The following KIAA1958 variants were observed in gnomAD, a reference collection of about 807,000 sequenced individuals.
The protein encoded by KIAA1958 is uncharacterized protein KIAA1958.
KIAA1958 carries 14 observed loss-of-function variants against 47.2 expected under a neutral mutation model. The ratio of observed to expected loss-of-function variants is 0.30; its 90% CI spans 0.20 to 0.46. The LOEUF (loss-of-function observed/expected upper bound fraction) is 0.46, where lower values mean the gene tolerates loss of function less well. Among genes scored for constraint, KIAA1958 ranks in the 20% least tolerant of loss-of-function variants. The pLI is 1.00. For synonymous variants in KIAA1958, 354 were observed against 353.3 expected, an observed-to-expected ratio of 1.00 and a Z score of -0.02; for missense variants, 803 against 909.2, an observed-to-expected ratio of 0.88 and a Z score of 1.50.
intron 2 of KIAA1958, among the ~76,000 whole-genome samples, chr9:112,640,857 A>G (rs572958578): frequency 6.6e-6 from 1 of 152,268 alleles, no homozygotes; most frequent in East Asian, 1.9e-4. Context: ...TAAGTTTTCT[A>G]TACATCATGG....
intron 2 of KIAA1958, among the ~76,000 whole-genome samples, chr9:112,626,390 A>G (rs899721524): frequency 6.6e-6 from 1 of 151,990 alleles, no homozygotes; most frequent in African/African-American, 2.4e-5. Flanking sequence ...TTTTTTTTGT[A>G]ATGTTGAATT....
intron 2 of KIAA1958, among the ~76,000 whole-genome samples, chr9:112,584,687 G>A (rs1176645184): frequency 6.6e-6 from 1 of 152,184 alleles, no homozygotes. Flanking sequence ...TGTTATCTAT[G>A]CAGTACTTTT....
intron 1 of KIAA1958, among the ~76,000 whole-genome samples, chr9:112,488,318 T>C (rs537836734): frequency 5.3e-5 from 8 of 152,344 alleles, no homozygotes; most frequent in African/African-American, 1.9e-4. Context: ...AAAAATACTG[T>C]AGGGTGATGT....
intron 2 of KIAA1958, among the ~76,000 whole-genome samples, chr9:112,633,329 A>T (rs144537520): frequency 8.3e-4 from 127 of 152,232 alleles, no homozygotes; most frequent in African/African-American, 3.0e-3. Flanking sequence ...GGGGGATTTT[A>T]ATTAGAATTA....
At chr9:112,600,679 T>C (rs1032611226) in intron 2 of KIAA1958, among the ~76,000 whole-genome samples, 1 of 152,234 alleles carries the variant, frequency 6.6e-6, no homozygotes, top group Non-Finnish European at 1.5e-5. Flanking sequence ...AATACATGAA[T>C]GCCTGACTTC....
At chr9:112,517,835 C>A (rs796330792) in intron 1 of KIAA1958, among the ~76,000 whole-genome samples, 5 of 152,232 alleles carry the variant, frequency 3.3e-5, no homozygotes, top group African/African-American at 9.6e-5. Context: ...ATAAGATGTT[C>A]GATGTCATTG....
rs546060559 is a variant in KIAA1958 at position 112,533,699 on chromosome 9, A to G, written c.-24-40358A>G. On this transcript the variant is annotated intron_variant, in intron 1 of 3. Coordinates refer to ENST00000337530, the MANE Select transcript of KIAA1958 (RefSeq NM_133465.4). ...GGAAGGCACCTTTTCACAGGGTGGC[A>G]GGAGATAGAATGAGTGCAGGCGGGG... is the stretch of plus-strand genomic sequence containing the variant. Among the ~76,000 whole-genome samples, 3 of 152,250 alleles carry G rather than the reference A, an allele frequency of 2.0e-5. No individual in the cohort carries two copies. The South Asian group carries it at 6.2e-4, about 32-fold the overall frequency.
At chr9:112,617,271 T>C (rs948997961) in intron 2 of KIAA1958, among the ~76,000 whole-genome samples, 7 of 152,232 alleles carry the variant, frequency 4.6e-5, no homozygotes, top group Admixed American at 2.6e-4. Context: ...TCATCACTTA[T>C]TACAAATGCC....
At chr9:112,504,385 C>T (rs974474954) in intron 1 of KIAA1958, among the ~76,000 whole-genome samples, 8 of 152,154 alleles carry the variant, frequency 5.3e-5, no homozygotes, top group African/African-American at 9.7e-5. Flanking sequence ...GACGGGATTT[C>T]GCCATGTTGG....
intron 1 of KIAA1958, among the ~76,000 whole-genome samples, chr9:112,523,016 G>A (rs1440789698): frequency 2.6e-5 from 4 of 152,086 alleles, no homozygotes; most frequent in Non-Finnish European, 5.9e-5. Flanking sequence ...CAAGATACAG[G>A]GCTATGCGAT....
intron 1 of KIAA1958, among the ~76,000 whole-genome samples, chr9:112,560,979 C>A: frequency 6.6e-6 from 1 of 152,168 alleles, no homozygotes; most frequent in East Asian, 1.9e-4. Flanking sequence ...ACCACTTTCT[C>A]AGAGAAGCTT....
intron 2 of KIAA1958, among the ~76,000 whole-genome samples, chr9:112,585,713 A>G (rs1835812718): frequency 6.6e-6 from 1 of 152,194 alleles, no homozygotes; most frequent in Non-Finnish European, 1.5e-5. Context: ...TCAGGAGTTA[A>G]AATACAGAAC....
rs112901410 is a variant in KIAA1958, at chr9:112,662,465, C to CACACACACACACACAG, written c.*2398_*2399insACACACACACACAGAC. ...ATATACATAAGTGTTTACACACACACACGCACAATATGTGGTTAAGCCTGG... is the reference window on the plus strand; with the variant it reads ...ATATACATAAGTGTTTACACACACACACACACACACACACAGACGCACAATATGTGGTTAAGCCTGG... On this transcript the variant is annotated 3_prime_UTR_variant, in exon 4 of 4. Coordinates refer to ENST00000337530, the MANE Select transcript of KIAA1958 (RefSeq NM_133465.4). 60 of 152,344 alleles carry CACACACACACACACAG rather than the reference C, an allele frequency of 3.9e-4. No homozygotes were observed. The highest frequency in any genetic ancestry group is 1.1e-3 in the African/African-American group (47 of 41,550). The allele number at this position is 152,344 out of a possible 1,614,324, so 9.4% of individuals were successfully genotyped here.
At position 112,668,930 on chromosome 9, in the gene KIAA1958, G is replaced by A. The variant is rs796110110; in HGVS notation, c.*8861G>A. The A allele has an allele frequency of 1.3e-5, 2 of 152,196 alleles. No homozygotes were observed. The highest frequency in any genetic ancestry group is 4.8e-5 in the African/African-American group (2 of 41,522). The allele number at this position is 152,196 out of a possible 1,614,324, so 9.4% of individuals were successfully genotyped here. ...ATTTAAAAATTTAATATTTTCTATG[G>A]GGCTGTATTTTCCAAATAATAGCAA... On this transcript the variant is annotated 3_prime_UTR_variant, in exon 4 of 4. Coordinates refer to ENST00000337530, the MANE Select transcript of KIAA1958 (RefSeq NM_133465.4).
chr9:112,666,933 C>A lies in KIAA1958; in HGVS notation c.*6864C>A, dbSNP rs1837358848. ...ATAAATCTTAGAGCTAAAACAGGAG[C>A]AGAAAGCAGAGAAGGACTATTAGAC... On this transcript the variant is annotated 3_prime_UTR_variant, in exon 4 of 4. Transcript: ENST00000337530. 1 of 152,164 alleles carries A rather than the reference C, an allele frequency of 6.6e-6. No individual in the cohort carries two copies. The highest frequency in any genetic ancestry group is 1.5e-5 in the Non-Finnish European group (1 of 68,040). The allele number at this position is 152,164 out of a possible 1,614,324, so 9.4% of individuals were successfully genotyped here.
chr9:112,506,357 G>A (rs1834234900), intron 1 of KIAA1958, among the ~76,000 whole-genome samples: 1 of 152,172 alleles, frequency 6.6e-6, no homozygotes, highest in Admixed American at 6.5e-5. Context: ...TCGGGAGGCT[G>A]AGACAGGAGA....
chr9:112,598,465 C>T (rs1047775054), intron 2 of KIAA1958, among the ~76,000 whole-genome samples: 1 of 152,160 alleles, frequency 6.6e-6, no homozygotes, highest in Non-Finnish European at 1.5e-5. Context: ...CTCATACACT[C>T]AGGCTGCTGT....
In KIAA1958 at chr9:112,527,163, A is replaced by C. The variant is rs116327316; in HGVS notation, c.-25+40045A>C. Among the ~76,000 whole-genome samples the C allele has an allele frequency of 3.8e-3, 581 of 152,340 alleles. 5 individuals carry two copies. Among genetic ancestry groups the C allele is most frequent in the African/African-American group, 0.013 (561 of 41,568 alleles). ...ACTCAGTGTTTGCAGTGACTTTATA[A>C]AACATATTTACCATAAATCACAAGA... On this transcript the variant is annotated intron_variant, in intron 1 of 3. Transcript: ENST00000337530.
intron 1 of KIAA1958, among the ~76,000 whole-genome samples, chr9:112,490,655 G>A (rs1452754418): frequency 6.6e-6 from 1 of 152,162 alleles, no homozygotes; most frequent in Non-Finnish European, 1.5e-5. Flanking sequence ...GCAAATTTTT[G>A]AATTTTATTT....
Sources: gnomAD v4.1 joint callset for allele counts (sites outside exome capture counted in the v4.1 genomes callset) on GRCh38, gnomAD v4.1.1 for gene constraint, MANE v1.5 for transcripts, NCBI Gene and HGNC (gene_info 2026-07-23, HGNC 2026-07-21) for gene names.